The following SLC25A19 variants were observed in gnomAD, a reference collection of about 807,000 sequenced individuals.
SLC25A19 encodes the protein solute carrier family 25 member 19, also known as mitochondrial thiamine pyrophosphate carrier.
Under a neutral mutation model 27.9 loss-of-function variants are expected in SLC25A19, and 18 were observed. The ratio of observed to expected loss-of-function variants is 0.64; its 90% confidence interval spans 0.45 to 0.96. The LOEUF (loss-of-function observed/expected upper bound fraction) is 0.96, where lower values mean the gene tolerates loss of function less well. Ranked by LOEUF, SLC25A19 falls within the 40% of genes least tolerant of loss-of-function variation. The probability of loss-of-function intolerance (pLI) is 0.00; values close to 1 mark genes in which losing one functional copy is unlikely to be tolerated. For synonymous variants in SLC25A19, 169 were observed against 167.1 expected (o/e 1.01, Z -0.09); for missense variants, 371 against 418.3 (o/e 0.89, Z 0.99).
chr17:75,284,561 A>G (rs2078135503), intron 4 of SLC25A19, among the ~76,000 whole-genome samples: 1 of 151,642 alleles, frequency 6.6e-6, no homozygotes, highest in Non-Finnish European at 1.5e-5. Context: ...ACTGTTCGAG[A>G]ATCATTCTTT....
chr17:75,282,779 G>C (rs370225535), intron 5 of SLC25A19, among the ~76,000 whole-genome samples: 1 of 151,624 alleles, frequency 6.6e-6, no homozygotes, highest in East Asian at 1.9e-4. Context: ...GTGAACCCAG[G>C]AGGCGGAGCT....
intron 5 of SLC25A19, among the ~76,000 whole-genome samples, chr17:75,279,816 GT>G (rs1057345794): frequency 6.6e-6 from 1 of 151,842 alleles, no homozygotes; most frequent in Non-Finnish European, 1.5e-5. Context: ...CCAATTCTTT[GT>G]TTTTTTTGAG....
chr17:75,279,324 A>AT (rs1002528923), intron 5 of SLC25A19, among the ~76,000 whole-genome samples: 12 of 152,050 alleles, frequency 7.9e-5, no homozygotes, highest in Non-Finnish European at 1.5e-4. Context: ...ATGTTGTAAA[A>AT]TTTTTTATCG....
In SLC25A19 at chr17:75,273,203, A is replaced by G. The variant is rs896591116; in HGVS notation, c.*248T>C. The G allele has an allele frequency of 5.4e-5, 29 of 532,296 alleles. No individual in the cohort carries two copies. In the Admixed American group the frequency reaches 5.7e-4, roughly 10 times the overall value. The allele number at this position is 532,296 out of a possible 1,614,324, so 33.0% of individuals were successfully genotyped here. On this transcript the variant is annotated 3_prime_UTR_variant, in exon 8 of 8. Coordinates refer to ENST00000416858, the MANE Select transcript of SLC25A19 (RefSeq NM_001126121.2). ...AGTGTGGGCTGGTCAGAGGAGAAAC[A>G]GCAACTTCCTGCTCCTTCTCACTGT...
chr17:75,274,481 G>A (rs1361358689), intron 7 of SLC25A19, among the ~76,000 whole-genome samples: 4 of 152,202 alleles, frequency 2.6e-5, no homozygotes, highest in African/African-American at 9.7e-5. Flanking sequence ...TGCCGTTTAA[G>A]GCACTGCACC....
At position 75,274,973 on chromosome 17, in the gene SLC25A19, C is replaced by CTTTTTT. The variant is rs67040059; in HGVS notation, c.775-1340_775-1335dup. Among the ~76,000 whole-genome samples, 65 of 47,198 alleles carry CTTTTTT rather than the reference C, an allele frequency of 1.4e-3. 2 individuals are homozygous for CTTTTTT. The highest frequency in any genetic ancestry group is 5.1e-3 in the East Asian group (6 of 1,168). The allele number at this position is 47,198 out of a possible 152,430, so 31.0% of individuals were successfully genotyped here. On this transcript the variant is annotated intron_variant, in intron 7 of 7. Coordinates refer to ENST00000416858, the MANE Select transcript of SLC25A19 (RefSeq NM_001126121.2). ...TAGTGAAATTACAAGGGATTTTGGT[C>CTTTTTT]TTTTTTTTTTTTTTTTTTTTTTTTT...
chr17:75,278,357 G>C, intron 5 of SLC25A19, 22 bp from the exon 6 acceptor site: 1 of 1,613,874 alleles, frequency 6.2e-7, no homozygotes, highest in Non-Finnish European at 8.5e-7. Context: ...CACGCACTTT[G>C]AATGAGCTCA....
chr17:75,286,397 G>T lies in SLC25A19; in HGVS notation c.195C>A (p.Ala65=), dbSNP rs2145783759. The change falls in exon 4 of 8, where the codon GCC becomes GCA. Residue 65 remains alanine, a synonymous_variant. Coordinates refer to ENST00000416858, the MANE Select transcript of SLC25A19 (RefSeq NM_001126121.2). The part of the protein sequence containing the change: ...PSAKYHGILQ[A]SRQILQEEGP... Reference sequence around the variant, plus strand: ...CCTCCTCCTGCAGAATCTGCCTAGAGGCCTGGAGGATGCCATGGTACTTTG... The same window carrying T: ...CCTCCTCCTGCAGAATCTGCCTAGATGCCTGGAGGATGCCATGGTACTTTG... 6.2e-7 allele frequency: 1 copy of T among 1,614,226 alleles called. No individual in the cohort carries two copies. Among genetic ancestry groups the T allele is most frequent in the East Asian group, 2.2e-5 (1 of 44,892 alleles).
At chr17:75,278,384 C>T (rs1327000563) in intron 5 of SLC25A19, 49 bp from the exon 6 acceptor site, 3 of 1,603,958 alleles carry the variant, frequency 1.9e-6, no homozygotes, top group Non-Finnish European at 8.5e-7. Context: ...TGGTTTTAGC[C>T]CTGGAACAGC....
chr17:75,283,676 C>CCCGG, intron 4 of SLC25A19, 83 bp from the exon 5 acceptor site: 2 of 1,418,144 alleles, frequency 1.4e-6, no homozygotes, highest in South Asian at 2.4e-5. Flanking sequence ...TCACCCGTGA[C>CCCGG]CCGGCTGGGG....
intron 5 of SLC25A19, among the ~76,000 whole-genome samples, chr17:75,279,628 A>C (rs11077782): frequency 0.8 from 121,165 of 151,294 alleles, 49,232 homozygotes; most frequent in East Asian, 0.92. Context: ...CCTGCCTCAG[A>C]CCCCCGAGTA....
chr17:75,278,143 C>T lies in SLC25A19; in HGVS notation c.643+9G>A. 1 of 1,612,760 alleles carries T rather than the reference C, an allele frequency of 6.2e-7. No individual in the cohort carries two copies. Among genetic ancestry groups the T allele is most frequent in the Non-Finnish European group, 8.5e-7 (1 of 1,179,846 alleles). ...GGGAGGGCTCCCTCTCGTGTGAGGG[C>T]TGCCTCACCATTTTTCTTTCCTTCG... On this transcript the variant is annotated intron_variant, in intron 6 of 7. Coordinates refer to ENST00000416858, the MANE Select transcript of SLC25A19 (RefSeq NM_001126121.2).
At chr17:75,281,423 G>A (rs549285121) in intron 5 of SLC25A19, among the ~76,000 whole-genome samples, 4 of 152,250 alleles carry the variant, frequency 2.6e-5, no homozygotes, top group Admixed American at 6.5e-5. Flanking sequence ...TTGGCCGGGC[G>A]TGGTGGCTCA....
At chr17:75,277,002 G>T (rs1321280318) in intron 7 of SLC25A19, among the ~76,000 whole-genome samples, 1 of 149,826 alleles carries the variant, frequency 6.7e-6, no homozygotes, top group Non-Finnish European at 1.5e-5. Flanking sequence ...TTTAAGAGCA[G>T]AAATTGTGCT....
intron 5 of SLC25A19, 26 bp downstream of exon 5, chr17:75,283,397 C>T (rs962244199): frequency 6.2e-7 from 1 of 1,609,976 alleles, no homozygotes; most frequent in Non-Finnish European, 8.5e-7. Context: ...ATTTGGGCTT[C>T]CCCGGTCTGG....
intron 5 of SLC25A19, among the ~76,000 whole-genome samples, chr17:75,280,720 G>A (rs1325003218): frequency 6.6e-6 from 1 of 152,004 alleles, no homozygotes; most frequent in Non-Finnish European, 1.5e-5. Context: ...GGCTGAGGCG[G>A]GAGAATCACT....
chr17:75,273,736 A>C, intron 7 of SLC25A19, 97 bp from the exon 8 acceptor site: 1 of 1,196,514 alleles, frequency 8.4e-7, no homozygotes, highest in Non-Finnish European at 1.2e-6. Flanking sequence ...CTTGCTGGAC[A>C]AAGAAATGAA....
intron 7 of SLC25A19, among the ~76,000 whole-genome samples, chr17:75,275,469 C>T (rs912037809): frequency 6.6e-6 from 1 of 152,078 alleles, no homozygotes; most frequent in African/African-American, 2.4e-5. Flanking sequence ...TTCACACCTC[C>T]GCATCTCAGG....
Position 75,289,427 on chromosome 17 carries a change from C to T in SLC25A19, c.-202G>A, listed in dbSNP as rs556292275. 3.9e-5 allele frequency: 6 copies of T among 152,396 alleles called. No individual in the cohort carries two copies. The East Asian group carries it at 9.6e-4, about 24-fold the overall frequency. 9.4% of individuals were successfully genotyped at this position (152,396 alleles called of 1,614,324 possible). On this transcript the variant is annotated 5_prime_UTR_variant, in exon 1 of 8. Transcript: ENST00000416858. ...TCCTCGCGCAGTCTTAACAGCAAAA[C>T]TCTACTGAGCTCGGACGAAACTGGC...
Sources: allele counts gnomAD v4.1 joint callset (sites outside exome capture counted in the v4.1 genomes callset), GRCh38; gene constraint gnomAD v4.1.1; transcripts MANE v1.5; gene names NCBI Gene and HGNC (gene_info 2026-07-23, HGNC 2026-07-21).